VLDLR: variants seen among roughly 807,000 people sequenced by gnomAD.
The protein encoded by VLDLR is very low density lipoprotein receptor.
Under a neutral mutation model 112.7 loss-of-function variants are expected in VLDLR, and 81 were observed. The ratio of observed to expected loss-of-function variants is 0.72; its 90% CI spans 0.60 to 0.86. VLDLR has a LOEUF of 0.86. Ranked by LOEUF, VLDLR falls within the 40% of genes least tolerant of loss-of-function variation. The pLI is 0.00. For synonymous variants in VLDLR, 436 were observed against 384.8 expected (o/e 1.13, Z -1.56); for missense variants, 1,237 against 1,099.4 (o/e 1.13, Z -1.77).
In VLDLR at chr9:2,647,810, A is replaced by G. The variant is rs1194065740; in HGVS notation, c.1822+218A>G. 3 of 631,418 alleles carry G rather than the reference A, an allele frequency of 4.8e-6. No individual in the cohort carries two copies. In the Admixed American group the frequency reaches 6.9e-5, roughly 15 times the overall value. The allele number at this position is 631,418 out of a possible 1,614,324, so 39.1% of individuals were successfully genotyped here. On this transcript the variant is annotated intron_variant, in intron 12 of 18. Coordinates refer to ENST00000382100, the MANE Select transcript of VLDLR (RefSeq NM_003383.5). ...GGCCTGTTGTCCAGCTGGGCCTAAT[A>G]TGTGACACAAATTCAGTGAACGTTG...
chr9:2,645,060 T>C lies in VLDLR; in HGVS notation c.1290T>C (p.Ala430=). The C allele has an allele frequency of 6.2e-7, 1 of 1,614,228 alleles. No homozygotes were observed. Among genetic ancestry groups the C allele is most frequent in the South Asian group, 1.1e-5 (1 of 91,072 alleles). Reference sequence around the variant, plus strand: ...GTCGTGGCTATCAAATGGATCTTGCTACTGGCGTGTGCAAGGCAGTAGGTA... The same window carrying C: ...GTCGTGGCTATCAAATGGATCTTGCCACTGGCGTGTGCAAGGCAGTAGGTA... ...ECSRGYQMDL[A]TGVCKAVGKE... Residue 430 remains alanine, a synonymous_variant, in exon 9 of 19, where the codon GCT becomes GCC. Coordinates refer to ENST00000382100, the MANE Select transcript of VLDLR (RefSeq NM_003383.5).
rs35137788 is a variant in VLDLR, at chr9:2,653,450, T to C, written c.2587-383T>C. Among the ~76,000 whole-genome samples the C allele has an allele frequency of 5.1e-3, 777 of 152,312 alleles. 5 individuals carry two copies. The highest frequency in any genetic ancestry group is 0.018 in the African/African-American group (744 of 41,564). ...ACTTGTTCTTCAGATGAAACCCAAG[T>C]GGAGTATTTGGCCTTCACGTAGGAA... On this transcript the variant is annotated intron_variant, in intron 18 of 18. Coordinates refer to ENST00000382100, the MANE Select transcript of VLDLR (RefSeq NM_003383.5).
intron 1 of VLDLR, among the ~76,000 whole-genome samples, chr9:2,630,055 A>C (rs1008529040): frequency 2.6e-5 from 4 of 152,058 alleles, no homozygotes; most frequent in Non-Finnish European, 2.9e-5. Flanking sequence ...CAGCCTCCCA[A>C]AGTGCTGGGA....
At chr9:2,640,040 T>G in intron 3 of VLDLR, 59 bp downstream of exon 3, 2 of 1,613,666 alleles carry the variant, frequency 1.2e-6, no homozygotes, top group Non-Finnish European at 8.5e-7. Flanking sequence ...CTAACATTTC[T>G]AAGTATTGCT....
chr9:2,626,581 A>G (rs768643373), intron 1 of VLDLR, among the ~76,000 whole-genome samples: 1 of 152,218 alleles, frequency 6.6e-6, no homozygotes, highest in Non-Finnish European at 1.5e-5. Context: ...AGATTCTGTT[A>G]GAAATGTTTC....
chr9:2,647,788 C>G, intron 12 of VLDLR, 196 bp downstream of exon 12: 1 of 661,890 alleles, frequency 1.5e-6, no homozygotes, highest in Non-Finnish European at 2.7e-6. Flanking sequence ...AATTACTGGC[C>G]TGTTGTCCAG....
At chr9:2,645,800 G>A in intron 10 of VLDLR, 55 bp downstream of exon 10, 1 of 1,607,224 alleles carries the variant, frequency 6.2e-7, no homozygotes, top group South Asian at 1.1e-5. Flanking sequence ...CACTTGGGAA[G>A]TGATCTGTGG....
At chr9:2,642,247 C>T (rs1265059431) in intron 4 of VLDLR, among the ~76,000 whole-genome samples, 1 of 152,204 alleles carries the variant, frequency 6.6e-6, no homozygotes, top group African/African-American at 2.4e-5. Flanking sequence ...CTAAAACCTA[C>T]AGCTCCCAAG....
chr9:2,644,921 T>C (rs764078278), intron 8 of VLDLR, 36 bp from the exon 9 acceptor site: 52 of 1,614,016 alleles, frequency 3.2e-5, no homozygotes, highest in Non-Finnish European at 4.1e-5. Flanking sequence ...TAGTAAGGTA[T>C]AGGAGCAGCA....
intron 1 of VLDLR, among the ~76,000 whole-genome samples, chr9:2,629,450 G>A (rs560030772): frequency 2.0e-4 from 30 of 152,330 alleles, no homozygotes; most frequent in Middle Eastern, 3.4e-3. Context: ...AGTATCTAGA[G>A]CCAGTGCCTG....
At position 2,643,280 on chromosome 9, in the gene VLDLR, C is replaced by A. The variant is rs772075122; in HGVS notation, c.569C>A (p.Pro190Gln). The stretch of plus-strand genomic sequence containing the variant: ...GGCAGTGATGAGCTGGACTGTGCCC[C>A]GCCAACCTGTGGCGCCCATGAGTTC... ...SDGSDELDCA[P>Q]PTCGAHEFQC... The change falls in exon 5 of 19, where the codon CCG becomes CAG. Residue 190 changes from proline (P) to glutamine (Q), a missense_variant. Physicochemically the swap from Pro to Gln is moderately conservative, Grantham distance 76 (BLOSUM62 -1). Coordinates refer to ENST00000382100, the MANE Select transcript of VLDLR (RefSeq NM_003383.5). The A allele has an allele frequency of 6.2e-7, 1 of 1,613,608 alleles. No individual in the cohort carries two copies. Among genetic ancestry groups the A allele is most frequent in the African/African-American group, 1.3e-5 (1 of 74,890 alleles).
intron 1 of VLDLR, among the ~76,000 whole-genome samples, chr9:2,634,136 A>C (rs1179300276): frequency 6.6e-6 from 1 of 152,196 alleles, no homozygotes; most frequent in Admixed American, 6.5e-5. Flanking sequence ...AACCACACCC[A>C]TATGGTCATC....
intron 1 of VLDLR, among the ~76,000 whole-genome samples, chr9:2,631,988 A>G (rs182494745): frequency 4.5e-4 from 69 of 152,268 alleles, no homozygotes; most frequent in South Asian, 2.1e-4. Context: ...TGCATATTCT[A>G]TAGTCTGATT....
intron 1 of VLDLR, among the ~76,000 whole-genome samples, chr9:2,629,321 A>G (rs1817235969): frequency 6.6e-6 from 1 of 152,200 alleles, no homozygotes; most frequent in South Asian, 2.1e-4. Flanking sequence ...AAGAGCTATA[A>G]TCCTTTTAGA....
chr9:2,622,265 G>A lies in VLDLR; in HGVS notation c.76G>A (p.Gly26Arg). Residue 26 changes from glycine to arginine, a missense_variant, in exon 1 of 19, where the codon GGA becomes AGA. Coordinates refer to ENST00000382100, the MANE Select transcript of VLDLR (RefSeq NM_003383.5). ...CWAPRESGAT[G>R]TGRKAKCEPS... ...GGCGCCCCGGGAGAGCGGCGCCACC[G>A]GAACCGGTGAGTGAGGACGCGCCCC... The A allele has an allele frequency of 6.7e-7, 1 of 1,489,724 alleles. No homozygotes were observed. Among genetic ancestry groups the A allele is most frequent in the Non-Finnish European group, 8.9e-7 (1 of 1,126,234 alleles). The allele number at this position is 1,489,724 out of a possible 1,614,324, so 92.3% of individuals were successfully genotyped here.
chr9:2,643,076 G>C, intron 4 of VLDLR, 84 bp from the exon 5 acceptor site: 1 of 1,586,180 alleles, frequency 6.3e-7, no homozygotes, highest in Non-Finnish European at 8.5e-7. Context: ...AATGAATAAA[G>C]ATCAATGTAT....
At chr9:2,652,428 A>AT (rs1020652590) in intron 17 of VLDLR, among the ~76,000 whole-genome samples, 8 of 152,228 alleles carry the variant, frequency 5.3e-5, no homozygotes, top group Admixed American at 2.0e-4. Context: ...CTTTGCTATA[A>AT]AAACCTTTGT....
At chr9:2,634,751 C>T (rs1338042667) in intron 1 of VLDLR, among the ~76,000 whole-genome samples, 1 of 152,146 alleles carries the variant, frequency 6.6e-6, no homozygotes, top group Non-Finnish European at 1.5e-5. Flanking sequence ...TATCTTGGAG[C>T]TGTTTTTTAA....
chr9:2,641,317 G>A (rs1817812659), intron 3 of VLDLR, 60 bp from the exon 4 acceptor site: 16 of 1,612,024 alleles, frequency 9.9e-6, no homozygotes, highest in African/African-American at 1.3e-5. Flanking sequence ...GGCAGCACAG[G>A]AGCAGCAGCT....
Sources: gnomAD v4.1 joint callset for allele counts (sites outside exome capture counted in the v4.1 genomes callset) on GRCh38, gnomAD v4.1.1 for gene constraint, MANE v1.5 for transcripts, NCBI Gene and HGNC (gene_info 2026-07-23, HGNC 2026-07-21) for gene names.